The following DMD variants were observed in gnomAD, a reference collection of about 807,000 sequenced individuals.
The protein encoded by DMD is mutant dystrophin.
A neutral mutation model predicts 330.1 loss-of-function variants in DMD; 63 were observed. That is an observed-to-expected ratio of 0.19 (90% confidence interval 0.16 to 0.24). The LOEUF (loss-of-function observed/expected upper bound fraction) is 0.24. Among genes scored for constraint, DMD ranks in the 10% least tolerant of loss-of-function variants. DMD has a pLI of 1.00. For synonymous variants in DMD, 1,223 were observed against 959.8 expected, an observed-to-expected ratio of 1.27 and a Z score of -5.07; for missense variants, 3,344 against 2,684.1, an observed-to-expected ratio of 1.25 and a Z score of -5.43.
At chrX:32,262,868 T>A (rs969775819) in intron 43 of DMD, among the ~76,000 whole-genome samples, 2 of 111,770 alleles carry the variant, frequency 1.8e-5, no homozygotes, top group Admixed American at 1.9e-4. Flanking sequence ...CTTCATACGG[T>A]AATACTCTAA....
At chrX:31,284,977 C>T (rs987535258) in intron 62 of DMD, among the ~76,000 whole-genome samples, 43 of 110,087 alleles carry the variant, frequency 3.9e-4, no homozygotes, top group African/African-American at 1.3e-3. Context: ...TATCACACAT[C>T]GTGTAGACCG....
intron 42 of DMD, among the ~76,000 whole-genome samples, chrX:32,309,298 T>C (rs2148590001): frequency 1.8e-5 from 2 of 111,625 alleles, no homozygotes; most frequent in African/African-American, 6.5e-5. Context: ...AGCAAACCCA[T>C]CTTTTGCCTA....
chrX:32,442,671 T>C (rs1009708115), intron 27 of DMD, among the ~76,000 whole-genome samples: 1 of 110,759 alleles, frequency 9.0e-6, no homozygotes, highest in African/African-American at 3.3e-5. Context: ...AGAAACTGTT[T>C]AACATGGATA....
chrX:31,899,768 A>C (rs1014158666), intron 47 of DMD, among the ~76,000 whole-genome samples: 2 of 111,168 alleles, frequency 1.8e-5, no homozygotes, highest in Non-Finnish European at 3.8e-5. Context: ...ATGTATATCC[A>C]AGCTCCATAC....
intron 2 of DMD, among the ~76,000 whole-genome samples, chrX:32,940,637 A>C (rs1287132128): frequency 9.0e-6 from 1 of 111,637 alleles, no homozygotes; most frequent in Non-Finnish European, 1.9e-5. Context: ...AATTTTCGAC[A>C]TGTATAAAAA....
chrX:31,129,766 G>A (rs1229222810), intron 77 of DMD, among the ~76,000 whole-genome samples: 1 of 112,161 alleles, frequency 8.9e-6, no homozygotes, highest in Non-Finnish European at 1.9e-5. Context: ...GAGCATACAG[G>A]AAACAGAATG....
At chrX:31,850,214 TTGA>T (rs2093498941) in intron 48 of DMD, among the ~76,000 whole-genome samples, 1 of 111,681 alleles carries the variant, frequency 9.0e-6, no homozygotes, top group African/African-American at 3.3e-5. Context: ...TAATCTATCA[TTGA>T]TGATAAGGGC....
At chrX:32,808,887 T>A (rs1361050283) in intron 7 of DMD, among the ~76,000 whole-genome samples, 1 of 111,909 alleles carries the variant, frequency 8.9e-6, no homozygotes, top group East Asian at 2.8e-4. Context: ...TCTCTACGTC[T>A]GGAAGGTATG....
At chrX:32,601,369 C>T (rs1250583270) in intron 12 of DMD, among the ~76,000 whole-genome samples, 1 of 111,461 alleles carries the variant, frequency 9.0e-6, no homozygotes, top group Non-Finnish European at 1.9e-5. Flanking sequence ...TATCAGAACA[C>T]ACTGATTTTA....
rs752787054 is a variant in DMD, at chrX:32,552,647, G to C, written c.1993-7313C>G. Among the ~76,000 whole-genome samples the C allele has an allele frequency of 8.9e-4, 100 of 111,955 alleles. 1 individual carries two copies. Among genetic ancestry groups the C allele is most frequent in the African/African-American group, 3.2e-3 (99 of 30,878 alleles). ...AGAGTAAACAGACAACCTGCAGAAT[G>C]GGAGAAAAATTTTGCAAACTTTCCA... is the stretch of plus-strand genomic sequence containing the variant. On this transcript the variant is annotated intron_variant, in intron 16 of 78. Coordinates refer to ENST00000357033, the MANE Select transcript of DMD (RefSeq NM_004006.3).
chrX:32,083,923 A>T (rs1256814778), intron 44 of DMD, among the ~76,000 whole-genome samples: 1 of 112,669 alleles, frequency 8.9e-6, no homozygotes, highest in Admixed American at 9.4e-5. Context: ...ATGCATAATC[A>T]TCTGGTTATG....
At chrX:33,036,884 G>A (rs1290674422) in intron 1 of DMD, among the ~76,000 whole-genome samples, 2 of 110,332 alleles carry the variant, frequency 1.8e-5, no homozygotes, top group Non-Finnish European at 3.8e-5. Context: ...TTGGGTCTTA[G>A]AATCAGGCTC....
intron 17 of DMD, among the ~76,000 whole-genome samples, chrX:32,542,419 A>C (rs924526812): frequency 8.9e-6 from 1 of 111,898 alleles, no homozygotes; most frequent in African/African-American, 3.2e-5. Context: ...GTGACAGAGC[A>C]AGACACTGTC....
At chrX:32,861,275 G>T (rs2082054815) in intron 2 of DMD, among the ~76,000 whole-genome samples, 3 of 112,139 alleles carry the variant, frequency 2.7e-5, no homozygotes, top group Non-Finnish European at 5.6e-5. Context: ...AACTTTCCTT[G>T]TAATGTTGGC....
intron 9 of DMD, among the ~76,000 whole-genome samples, chrX:32,695,979 C>A (rs1008632525): frequency 1.8e-5 from 2 of 111,777 alleles, no homozygotes; most frequent in Non-Finnish European, 3.8e-5. Flanking sequence ...AGCCATTTGT[C>A]TCTGTGATTA....
At chrX:31,709,940 G>T (rs2084505977) in intron 52 of DMD, among the ~76,000 whole-genome samples, 1 of 111,357 alleles carries the variant, frequency 9.0e-6, no homozygotes, top group South Asian at 3.8e-4. Flanking sequence ...TAGAAAGAAA[G>T]ATTTTCTTCT....
chrX:31,160,210 G>A (rs941003482), intron 74 of DMD, among the ~76,000 whole-genome samples: 1 of 111,276 alleles, frequency 9.0e-6, no homozygotes, highest in Admixed American at 9.5e-5. Flanking sequence ...TGGTTTGGGT[G>A]AAAAGCCAAG....
intron 74 of DMD, among the ~76,000 whole-genome samples, chrX:31,168,771 A>G (rs2039686401): frequency 8.9e-6 from 1 of 112,258 alleles, no homozygotes; most frequent in Non-Finnish European, 1.9e-5. Flanking sequence ...AATGTAATAC[A>G]GAACTGAAAG....
intron 1 of DMD, among the ~76,000 whole-genome samples, chrX:33,022,228 A>G (rs1569550089): frequency 9.0e-6 from 1 of 111,383 alleles, no homozygotes; most frequent in Non-Finnish European, 1.9e-5. Context: ...CCAAAAGCTC[A>G]ATATGAGGTC....
Sources: allele counts gnomAD v4.1 joint callset (sites outside exome capture counted in the v4.1 genomes callset), GRCh38; gene constraint gnomAD v4.1.1; transcripts MANE v1.5; gene names NCBI Gene and HGNC (gene_info 2026-07-23, HGNC 2026-07-21).